The following CSMD1 variants were observed in gnomAD, a reference collection of about 807,000 sequenced individuals.
The protein encoded by CSMD1 is CUB and sushi domain-containing protein 1.
In CSMD1, 213 loss-of-function variants were observed where a neutral mutation model predicts 417.5. That is an observed-to-expected ratio of 0.51 (90% CI 0.46 to 0.57). The LOEUF (loss-of-function observed/expected upper bound fraction) is 0.57. Among genes scored for constraint, CSMD1 ranks in the 20% least tolerant of loss-of-function variants. CSMD1 has a pLI of 0.00. For synonymous variants in CSMD1, 2,862 were observed against 1,736.8 expected (o/e 1.65, Z -16.11); for missense variants, 6,923 against 4,529.7 (o/e 1.53, Z -15.17).
intron 49 of CSMD1, among the ~76,000 whole-genome samples, 185 bp downstream of exon 49, chr8:3,086,912 C>A (rs928235952): frequency 1.3e-5 from 2 of 152,152 alleles, no homozygotes; most frequent in Non-Finnish European, 2.9e-5. Flanking sequence ...CAAATTCAGG[C>A]TATACAACTA....
intron 8 of CSMD1, among the ~76,000 whole-genome samples, chr8:3,596,052 TGG>T (rs200636220): frequency 2.1e-5 from 3 of 142,954 alleles, no homozygotes; most frequent in Admixed American, 1.4e-4. Context: ...ATTTTCCACG[TGG>T]GCTTAGGAAG....
intron 1 of CSMD1, among the ~76,000 whole-genome samples, chr8:4,960,457 G>A (rs1809403389): frequency 6.6e-6 from 1 of 152,138 alleles, no homozygotes; most frequent in Non-Finnish European, 1.5e-5. Context: ...ATGTGCTGGG[G>A]ATAAACAAAG....
intron 6 of CSMD1, among the ~76,000 whole-genome samples, chr8:3,726,069 G>A (rs1802477408): frequency 6.6e-6 from 1 of 152,122 alleles, no homozygotes; most frequent in Non-Finnish European, 1.5e-5. Context: ...CAACAGCCAT[G>A]CCATGAGGGT....
intron 3 of CSMD1, among the ~76,000 whole-genome samples, chr8:4,189,943 A>T (rs772259728): frequency 6.6e-6 from 1 of 151,790 alleles, no homozygotes; most frequent in Non-Finnish European, 1.5e-5. Flanking sequence ...TCTAAAAAGC[A>T]GAGAGCATAG....
intron 1 of CSMD1, among the ~76,000 whole-genome samples, chr8:4,881,869 T>C (rs1457018391): frequency 1.3e-5 from 2 of 152,172 alleles, no homozygotes; most frequent in African/African-American, 4.8e-5. Flanking sequence ...TTGTTATTTT[T>C]CAACACTTTT....
chr8:4,767,209 T>G (rs1477228178), intron 1 of CSMD1, among the ~76,000 whole-genome samples: 3 of 152,174 alleles, frequency 2.0e-5, no homozygotes, highest in Non-Finnish European at 4.4e-5. Context: ...AGGCCATAAT[T>G]TGCAGATGTA....
intron 5 of CSMD1, among the ~76,000 whole-genome samples, chr8:3,831,011 T>C (rs1260530959): frequency 6.6e-6 from 1 of 152,174 alleles, no homozygotes; most frequent in Non-Finnish European, 1.5e-5. Flanking sequence ...AATTTCTGCT[T>C]GTTGGCTCTG....
intron 51 of CSMD1, among the ~76,000 whole-genome samples, chr8:3,021,980 C>G (rs968051257): frequency 6.6e-6 from 1 of 150,958 alleles, no homozygotes; most frequent in African/African-American, 2.5e-5. Flanking sequence ...CACCTGCAAT[C>G]CCACAGCATC....
chr8:3,601,261 A>G (rs148524210), intron 8 of CSMD1, among the ~76,000 whole-genome samples: 43 of 152,308 alleles, frequency 2.8e-4, no homozygotes, highest in African/African-American at 9.9e-4. Flanking sequence ...GGAGGCCAAG[A>G]TTTGGTAGGA....
intron 7 of CSMD1, among the ~76,000 whole-genome samples, chr8:3,637,829 A>G (rs7007635): frequency 6.6e-6 from 1 of 151,866 alleles, no homozygotes; most frequent in South Asian, 2.1e-4. Context: ...GGGGGCCAGT[A>G]TTTCTTGTGC....
chr8:4,009,864 G>A (rs1816409868), intron 4 of CSMD1, among the ~76,000 whole-genome samples: 1 of 151,804 alleles, frequency 6.6e-6, no homozygotes, highest in Non-Finnish European at 1.5e-5. Context: ...CCATTAAGAG[G>A]GTACTCTCGT....
At chr8:3,544,318 T>C (rs765237478) in intron 10 of CSMD1, among the ~76,000 whole-genome samples, 1 of 152,198 alleles carries the variant, frequency 6.6e-6, no homozygotes, top group Admixed American at 6.5e-5. Context: ...TCTTGCAAAA[T>C]ATAGTAATTC....
chr8:3,692,345 A>T (rs1192918531), intron 7 of CSMD1, among the ~76,000 whole-genome samples: 1 of 152,226 alleles, frequency 6.6e-6, no homozygotes, highest in Non-Finnish European at 1.5e-5. Context: ...AGACTCAGAG[A>T]AACAGACTCA....
rs1585598380 is a variant in CSMD1 at position 3,188,091 on chromosome 8, TATATATATACATATACACCTTAATA to T, written c.5524-151_5524-127del. Reference sequence around the variant, plus strand: ...ATATATATATACATATGTATATGTATATATATATACATATACACCTTAATAATGCCTCCAATGCCATATATATATA... The same window carrying T: ...ATATATATATACATATGTATATGTATATGCCTCCAATGCCATATATATATA... On this transcript the variant is annotated intron_variant, in intron 35 of 69. Transcript: ENST00000635120. 9 of 307,218 alleles carry T rather than the reference TATATATATACATATACACCTTAATA, an allele frequency of 2.9e-5. No homozygotes were observed. The East Asian group carries it at 5.3e-4, about 18-fold the overall frequency. The allele number at this position is 307,218 out of a possible 1,614,324, so 19.0% of individuals were successfully genotyped here. A position where few individuals can be genotyped will look rare whatever the true frequency, so the allele number is the denominator to read the frequency against.
At chr8:4,230,071 G>C (rs1167754914) in intron 3 of CSMD1, among the ~76,000 whole-genome samples, 1 of 152,152 alleles carries the variant, frequency 6.6e-6, no homozygotes, top group Admixed American at 6.5e-5. Flanking sequence ...ACTCAGGTGT[G>C]TATACAAGCT....
chr8:4,563,543 C>G (rs142732324), intron 2 of CSMD1, among the ~76,000 whole-genome samples: 25 of 152,342 alleles, frequency 1.6e-4, no homozygotes, highest in African/African-American at 6.0e-4. Context: ...CTCCTCACCA[C>G]ACATCCTCAC....
At chr8:4,387,959 T>C (rs1054210592) in intron 3 of CSMD1, among the ~76,000 whole-genome samples, 65 of 152,224 alleles carry the variant, frequency 4.3e-4, no homozygotes, top group African/African-American at 1.1e-3. Context: ...TCTGGTAATT[T>C]AAAATTTTAC....
At chr8:3,648,201 C>T (rs1432577646) in intron 7 of CSMD1, among the ~76,000 whole-genome samples, 2 of 152,240 alleles carry the variant, frequency 1.3e-5, no homozygotes, top group African/African-American at 4.8e-5. Flanking sequence ...GTATATTACT[C>T]TTCTCACCAT....
rs578089448 is a variant in CSMD1 at position 4,170,660 on chromosome 8, T to C, written c.416-138561A>G. ...TTTTATTACATTCACTTAAGAGAAG[T>C]AGAATAAGTTGGAGGAGCTAGAACT... On this transcript the variant is annotated intron_variant, in intron 3 of 69. Transcript: ENST00000635120. 5.9e-5 allele frequency among the ~76,000 whole-genome samples: 9 copies of C among 151,930 alleles called. No individual in the cohort carries two copies. In the South Asian group the frequency reaches 8.3e-4, roughly 14 times the overall value.
Sources: allele counts gnomAD v4.1 joint callset (sites outside exome capture counted in the v4.1 genomes callset), GRCh38; gene constraint gnomAD v4.1.1; transcripts MANE v1.5; gene names NCBI Gene and HGNC (gene_info 2026-07-23, HGNC 2026-07-21).